RIMS2: variants seen among roughly 807,000 people sequenced by gnomAD.
RIMS2 encodes regulating synaptic membrane exocytosis protein 2.
A neutral mutation model predicts 174.4 loss-of-function variants in RIMS2; 59 were observed. The ratio of observed to expected loss-of-function variants is 0.34; its 90% confidence interval spans 0.27 to 0.42. The LOEUF is 0.42. RIMS2 is among the 10% of genes least tolerant of loss of function. The pLI, the probability that RIMS2 is intolerant of heterozygous loss-of-function variation, is 1.00. For synonymous variants in RIMS2, 606 were observed against 572.5 expected, an observed-to-expected ratio of 1.06 and a Z score of -0.84; for missense variants, 1,620 against 1,666.3, an observed-to-expected ratio of 0.97 and a Z score of 0.48.
chr8:103,706,237 T>C (rs1249304557), intron 2 of RIMS2, among the ~76,000 whole-genome samples: 2 of 152,176 alleles, frequency 1.3e-5, no homozygotes, highest in Non-Finnish European at 2.9e-5. Context: ...GTTTTTGTTA[T>C]CTCACATTTT....
intron 3 of RIMS2, among the ~76,000 whole-genome samples, chr8:103,817,730 T>C (rs2154471154): frequency 6.6e-6 from 1 of 152,288 alleles, no homozygotes; most frequent in African/African-American, 2.4e-5. Flanking sequence ...TGAGCACCAC[T>C]ACACTTCAGC....
At chr8:103,547,440 TAAG>T (rs914382556) in intron 1 of RIMS2, among the ~76,000 whole-genome samples, 18 of 152,144 alleles carry the variant, frequency 1.2e-4, no homozygotes, top group South Asian at 2.1e-4. Context: ...AAGGCAGAAA[TAAG>T]AAATTCTTTG....
intron 1 of RIMS2, among the ~76,000 whole-genome samples, chr8:103,581,873 G>C (rs780675190): frequency 3.9e-5 from 6 of 152,286 alleles, no homozygotes; most frequent in Non-Finnish European, 8.8e-5. Context: ...CAACTCTAAG[G>C]CAAGTCCTAG....
chr8:103,799,409 A>G lies in RIMS2; in HGVS notation c.698+32872A>G, dbSNP rs535299292. On this transcript the variant is annotated intron_variant, in intron 3 of 23. Coordinates refer to ENST00000504942, the Ensembl canonical transcript of RIMS2. ...CTAGGCTATGTCAAAACTCGTTACT[A>G]TAAACTGTGAGTCAGTGAACATCCT... 3.3e-5 allele frequency among the ~76,000 whole-genome samples: 5 copies of G among 152,306 alleles called. No individual in the cohort carries two copies. The South Asian group carries it at 8.3e-4, about 25-fold the overall frequency.
At chr8:104,160,215 A>G (rs1469114804) in intron 19 of RIMS2, among the ~76,000 whole-genome samples, 1 of 152,132 alleles carries the variant, frequency 6.6e-6, no homozygotes, top group African/African-American at 2.4e-5. Context: ...ATCCCATCAG[A>G]CTATAAATTT....
chr8:103,911,857 A>G (rs1199041333), intron 5 of RIMS2, among the ~76,000 whole-genome samples, 196 bp from the exon 9 acceptor site: 2 of 152,222 alleles, frequency 1.3e-5, no homozygotes, highest in Non-Finnish European at 2.9e-5. Context: ...TTGAGATTAT[A>G]TTGAGGTTAT....
chr8:104,152,867 T>C (rs911903549), intron 19 of RIMS2, among the ~76,000 whole-genome samples: 1 of 152,164 alleles, frequency 6.6e-6, no homozygotes, highest in African/African-American at 2.4e-5. Context: ...AGAGTCATCA[T>C]GTGATGAATG....
intron 19 of RIMS2, among the ~76,000 whole-genome samples, chr8:104,184,309 T>C (rs1021729636): frequency 2.0e-5 from 3 of 151,612 alleles, no homozygotes; most frequent in African/African-American, 4.8e-5. Context: ...TTGGGTAATA[T>C]GCCTCTAAAG....
At chr8:103,716,522 T>TTTAC (rs1161800294) in intron 2 of RIMS2, among the ~76,000 whole-genome samples, 1 of 152,050 alleles carries the variant, frequency 6.6e-6, no homozygotes, top group East Asian at 1.9e-4. Context: ...TTACACTTCA[T>TTTAC]ATATTATAGA....
intron 17 of RIMS2, among the ~76,000 whole-genome samples, chr8:104,004,799 G>T: frequency 6.6e-6 from 1 of 152,138 alleles, no homozygotes; most frequent in East Asian, 1.9e-4. Context: ...TGAACAGAAA[G>T]AAGCTATTAT....
intron 2 of RIMS2, among the ~76,000 whole-genome samples, chr8:103,759,587 AAG>A (rs1491114153): frequency 8.2e-5 from 12 of 146,978 alleles, no homozygotes; most frequent in African/African-American, 3.0e-4. Context: ...AAAAAAAAAA[AAG>A]AAAAGAAAAA....
chr8:103,705,454 A>G (rs1221693326), intron 2 of RIMS2, among the ~76,000 whole-genome samples: 1 of 152,096 alleles, frequency 6.6e-6, no homozygotes, highest in Non-Finnish European at 1.5e-5. Flanking sequence ...AATGTCAGTT[A>G]GGTCCATTTG....
chr8:103,774,750 A>G (rs991867287), intron 3 of RIMS2, among the ~76,000 whole-genome samples: 3 of 152,194 alleles, frequency 2.0e-5, no homozygotes, highest in African/African-American at 7.2e-5. Flanking sequence ...AAGAAATCAT[A>G]ACAATGTTTT....
At chr8:103,681,150 A>G (rs974907952) in intron 1 of RIMS2, among the ~76,000 whole-genome samples, 3 of 152,038 alleles carry the variant, frequency 2.0e-5, no homozygotes, top group African/African-American at 7.2e-5. Flanking sequence ...AAAGAGCACG[A>G]ACTCTTGGAA....
At chr8:103,794,243 C>G (rs1301148942) in intron 3 of RIMS2, among the ~76,000 whole-genome samples, 2 of 151,998 alleles carry the variant, frequency 1.3e-5, no homozygotes, top group African/African-American at 2.4e-5. Flanking sequence ...AGATATAGAC[C>G]AATGGAACAG....
chr8:103,927,860 A>G, exon 11 of RIMS2: 1 of 1,608,414 alleles, frequency 6.2e-7, no homozygotes, highest in Non-Finnish European at 8.5e-7. Context: ...CCTTAGTAGA[A>G]GAACAACGCC....
chr8:104,058,823 G>A (rs994655019), intron 19 of RIMS2, among the ~76,000 whole-genome samples: 1 of 152,142 alleles, frequency 6.6e-6, no homozygotes, highest in Admixed American at 6.5e-5. Context: ...TATTAAATAG[G>A]GAATCCTTTC....
intron 2 of RIMS2, among the ~76,000 whole-genome samples, chr8:103,734,217 T>G (rs1368479907): frequency 6.6e-6 from 1 of 151,506 alleles, no homozygotes; most frequent in African/African-American, 2.4e-5. Flanking sequence ...TTCACCATGT[T>G]GGCCAGGATG....
At chr8:104,074,251 A>G (rs2097250107) in intron 19 of RIMS2, among the ~76,000 whole-genome samples, 1 of 152,166 alleles carries the variant, frequency 6.6e-6, no homozygotes, top group African/African-American at 2.4e-5. Context: ...GTAGTGTATT[A>G]GAAAGGGCAC....
Sources: allele counts gnomAD v4.1 joint callset (sites outside exome capture counted in the v4.1 genomes callset), GRCh38; gene constraint gnomAD v4.1.1; transcripts MANE v1.5; gene names NCBI Gene and HGNC (gene_info 2026-07-23, HGNC 2026-07-21).